Variants in KCNIP4 observed in about 807,000 individuals in gnomAD.
KCNIP4 encodes the protein Kv channel-interacting protein 4.
KCNIP4 carries 12 observed loss-of-function variants against 34.0 expected under a neutral mutation model. That is an observed-to-expected ratio of 0.35 (90% CI 0.23 to 0.57). The LOEUF (loss-of-function observed/expected upper bound fraction) is 0.57, where lower values mean the gene tolerates loss of function less well. Ranked by LOEUF, KCNIP4 falls within the 20% of genes least tolerant of loss-of-function variation. The pLI is 0.83. For synonymous variants in KCNIP4, 124 were observed against 102.2 expected (o/e 1.21, Z -1.29); for missense variants, 238 against 311.7 (o/e 0.76, Z 1.78).
intron 1 of KCNIP4, among the ~76,000 whole-genome samples, chr4:21,457,324 C>T (rs1311822811): frequency 5.9e-5 from 9 of 151,972 alleles, no homozygotes; most frequent in Non-Finnish European, 1.3e-4. Context: ...GGCCCTTTCT[C>T]TTTACCTTCC....
intron 1 of KCNIP4, among the ~76,000 whole-genome samples, chr4:21,079,034 T>C (rs1416243568): frequency 2.0e-5 from 3 of 152,068 alleles, no homozygotes; most frequent in East Asian, 1.9e-4. Context: ...TTGTGGTTCA[T>C]ATTAGCCACT....
intron 1 of KCNIP4, among the ~76,000 whole-genome samples, chr4:21,814,338 T>A (rs1721842412): frequency 6.6e-6 from 1 of 152,126 alleles, no homozygotes; most frequent in Admixed American, 6.5e-5. Flanking sequence ...TTCCCACATG[T>A]CATGGGAGGG....
At chr4:21,849,527 G>A (rs1724235496) in intron 1 of KCNIP4, 1 of 151,988 alleles carries the variant, frequency 6.6e-6, no homozygotes, top group South Asian at 2.1e-4. Context: ...TCTAATCAGT[G>A]TATGCTCACA....
chr4:21,095,381 T>G (rs1229312147), intron 1 of KCNIP4, among the ~76,000 whole-genome samples: 2 of 152,212 alleles, frequency 1.3e-5, no homozygotes, highest in Non-Finnish European at 2.9e-5. Context: ...TTCTGGAGAT[T>G]CATAAAACGT....
intron 3 of KCNIP4, among the ~76,000 whole-genome samples, chr4:20,778,120 G>T (rs1458073909): frequency 6.6e-6 from 1 of 152,164 alleles, no homozygotes; most frequent in Non-Finnish European, 1.5e-5. Flanking sequence ...ACTTCAGTTA[G>T]GTCCAGAGAA....
intron 1 of KCNIP4, among the ~76,000 whole-genome samples, chr4:20,989,536 A>T (rs1169723499): frequency 6.6e-6 from 1 of 152,220 alleles, no homozygotes; most frequent in Non-Finnish European, 1.5e-5. Flanking sequence ...CTCAGTCAAT[A>T]GAAGCTAAGA....
At chr4:20,999,944 G>C (rs946777545) in intron 1 of KCNIP4, among the ~76,000 whole-genome samples, 20 of 152,174 alleles carry the variant, frequency 1.3e-4, no homozygotes, top group African/African-American at 4.8e-4. Context: ...AACCTTCCCA[G>C]AGTATTCATC....
At chr4:21,882,395 G>A (rs532094652) in intron 1 of KCNIP4, among the ~76,000 whole-genome samples, 27 of 152,114 alleles carry the variant, frequency 1.8e-4, no homozygotes, top group Admixed American at 8.5e-4. Context: ...AGAAGACAGC[G>A]AAAAAAGCAT....
chr4:21,085,585 C>T (rs1011348385), intron 1 of KCNIP4, among the ~76,000 whole-genome samples: 2 of 152,150 alleles, frequency 1.3e-5, no homozygotes, highest in African/African-American at 4.8e-5. Flanking sequence ...ACCAAGCCAA[C>T]AGATGTCAAT....
intron 1 of KCNIP4, among the ~76,000 whole-genome samples, chr4:21,863,097 T>A (rs1725190849): frequency 6.6e-6 from 1 of 152,140 alleles, no homozygotes; most frequent in Non-Finnish European, 1.5e-5. Context: ...AATTAAGTGT[T>A]CATACTACTA....
At chr4:21,549,426 A>C (rs1189534519) in intron 1 of KCNIP4, among the ~76,000 whole-genome samples, 1 of 151,756 alleles carries the variant, frequency 6.6e-6, no homozygotes. Context: ...TTCTCACTCT[A>C]TTACTTACTG....
rs1718939653 is a variant in KCNIP4, at chr4:20,835,559, C to T, written c.288+14984G>A. ...GCTGGTTCATTATATGCATTCAATG[C>T]ATGTTATTTTTCTTACAATTGTTAG... is the stretch of plus-strand genomic sequence containing the variant. On this transcript the variant is annotated intron_variant, in intron 3 of 8. Transcript: ENST00000382152. Among the ~76,000 whole-genome samples, 3 of 152,202 alleles carry T rather than the reference C, an allele frequency of 2.0e-5. No individual in the cohort carries two copies. In the South Asian group the frequency reaches 6.2e-4, roughly 32 times the overall value.
intron 1 of KCNIP4, among the ~76,000 whole-genome samples, chr4:21,755,520 C>G (rs936324288): frequency 2.6e-5 from 4 of 152,146 alleles, no homozygotes; most frequent in Non-Finnish European, 5.9e-5. Flanking sequence ...TAGTGACAGT[C>G]AGGAACAATG....
chr4:21,236,814 C>A (rs1289777113), intron 1 of KCNIP4, among the ~76,000 whole-genome samples: 2 of 150,952 alleles, frequency 1.3e-5, no homozygotes, highest in Non-Finnish European at 2.9e-5. Context: ...TCAAGACCAG[C>A]CTGACCAAGA....
intron 1 of KCNIP4, among the ~76,000 whole-genome samples, chr4:21,199,039 C>A (rs1417474051): frequency 6.6e-6 from 1 of 152,136 alleles, no homozygotes; most frequent in Non-Finnish European, 1.5e-5. Flanking sequence ...TGGTGCTGTC[C>A]TTTCTCTTTG....
At chr4:21,018,681 T>C (rs768533635) in intron 1 of KCNIP4, among the ~76,000 whole-genome samples, 1 of 152,148 alleles carries the variant, frequency 6.6e-6, no homozygotes, top group African/African-American at 2.4e-5. Context: ...CAGACTTGCA[T>C]CATAATTTGA....
intron 1 of KCNIP4, among the ~76,000 whole-genome samples, chr4:21,237,165 T>A (rs1468763873): frequency 6.6e-6 from 1 of 152,140 alleles, no homozygotes; most frequent in East Asian, 1.9e-4. Context: ...AATAATTAAT[T>A]ACGTACTTTC....
At chr4:21,135,769 G>A (rs761907889) in intron 1 of KCNIP4, among the ~76,000 whole-genome samples, 1 of 152,126 alleles carries the variant, frequency 6.6e-6, no homozygotes, top group Non-Finnish European at 1.5e-5. Context: ...TAACACACAG[G>A]TTTACCCAGG....
At chr4:21,730,173 GAATAA>G (rs1309533825) in intron 1 of KCNIP4, 1 of 152,034 alleles carries the variant, frequency 6.6e-6, no homozygotes, top group African/African-American at 2.4e-5. Context: ...ATTTAGAAAT[GAATAA>G]AATAAAATAA....
Sources: gnomAD v4.1 joint callset for allele counts (sites outside exome capture counted in the v4.1 genomes callset) on GRCh38, gnomAD v4.1.1 for gene constraint, MANE v1.5 for transcripts, NCBI Gene and HGNC (gene_info 2026-07-23, HGNC 2026-07-21) for gene names.